Variants in CFH observed in about 807,000 individuals in gnomAD.
CFH encodes H factor 1 (complement).
CFH carries 53 observed loss-of-function variants against 147.3 expected under a neutral mutation model. The observed-to-expected ratio is 0.36, with a 90% confidence interval of 0.29 to 0.45. The LOEUF is 0.45. Ranked by LOEUF, CFH falls within the 20% of genes least tolerant of loss-of-function variation. The pLI is 1.00. For synonymous variants in CFH, 536 were observed against 489.4 expected (o/e 1.10, Z -1.26); for missense variants, 1,380 against 1,498.0 (o/e 0.92, Z 1.30).
chr1:196,702,753 C>T (rs1668491662), intron 9 of CFH, among the ~76,000 whole-genome samples: 1 of 152,116 alleles, frequency 6.6e-6, no homozygotes, highest in South Asian at 2.1e-4. Context: ...CACCTCTGAC[C>T]TGGGATGGAA....
At chr1:196,655,674 A>G (rs1666661448) in intron 1 of CFH, among the ~76,000 whole-genome samples, 1 of 152,032 alleles carries the variant, frequency 6.6e-6, no homozygotes, top group South Asian at 2.1e-4. Context: ...TCCTCCCCAC[A>G]CACACCATCC....
intron 8 of CFH, 108 bp from the exon 9 acceptor site, chr1:196,689,955 G>A: frequency 8.0e-7 from 1 of 1,250,946 alleles, no homozygotes; most frequent in Non-Finnish European, 1.1e-6. Flanking sequence ...ATTTTTGGAT[G>A]TTTATGCAAT....
At chr1:196,657,008 G>T (rs561361190) in intron 1 of CFH, among the ~76,000 whole-genome samples, 1 of 151,892 alleles carries the variant, frequency 6.6e-6, no homozygotes, top group African/African-American at 2.4e-5. Flanking sequence ...ACAGGATCTC[G>T]CTTTGTTGCC....
intron 20 of CFH, among the ~76,000 whole-genome samples, chr1:196,744,175 A>AT (rs34347090): frequency 0.037 from 5,521 of 149,778 alleles, 213 homozygotes; most frequent in East Asian, 0.16. Flanking sequence ...GTTTTTCTGT[A>AT]TTTTTTTTTT....
intron 9 of CFH, among the ~76,000 whole-genome samples, chr1:196,707,140 C>A (rs1668608732): frequency 6.6e-6 from 1 of 151,974 alleles, no homozygotes; most frequent in South Asian, 2.1e-4. Context: ...TGAAAAAACT[C>A]AAAAGATAAA....
At chr1:196,682,071 C>T (rs917709570) in intron 6 of CFH, among the ~76,000 whole-genome samples, 2 of 151,682 alleles carry the variant, frequency 1.3e-5, no homozygotes, top group Admixed American at 1.3e-4. Context: ...ACACACATGT[C>T]AGAGGACTGA....
intron 9 of CFH, among the ~76,000 whole-genome samples, chr1:196,701,120 C>A (rs1389049470): frequency 1.3e-5 from 2 of 152,082 alleles, no homozygotes; most frequent in Admixed American, 6.6e-5. Flanking sequence ...ATGGAAAGGT[C>A]TTTTGTTTGT....
chr1:196,698,470 G>C (rs973794953), intron 9 of CFH, among the ~76,000 whole-genome samples: 2 of 151,972 alleles, frequency 1.3e-5, no homozygotes, highest in Admixed American at 1.3e-4. Context: ...TAGAAAATCT[G>C]GAAGAAATGG....
At position 196,652,136 on chromosome 1, in the gene CFH, A is replaced by T; in HGVS notation, c.19A>T (p.Ile7Phe). 1 of 1,612,232 alleles carries T rather than the reference A, an allele frequency of 6.2e-7. No individual in the cohort carries two copies. Residue 7 changes from isoleucine to phenylalanine, a missense_variant, in exon 1 of 22, where the codon ATT becomes TTT. By Grantham distance (21) the Ile-to-Phe change is conservative. Coordinates refer to ENST00000367429, the MANE Select transcript of CFH (RefSeq NM_000186.4). MRLLAKIICLMLWAICV... is the reference protein window; with the variant it reads MRLLAKFICLMLWAICV... ...CCAAAAAATGAGACTTCTAGCAAAG[A>T]TTATTTGCCTTATGTTATGGGCTAT...
At position 196,673,046 on chromosome 1, in the gene CFH, C is replaced by G. The variant is rs764941928; in HGVS notation, c.127C>G (p.Pro43Ala). The G allele has an allele frequency of 6.2e-7, 1 of 1,614,020 alleles. No homozygotes were observed. The highest frequency in any genetic ancestry group is 1.7e-5 in the Admixed American group (1 of 60,014). Residue 43 changes from proline (P) to alanine (A), a missense_variant, in exon 2 of 22, where the codon CCA becomes GCA. Pro to Ala is a conservative substitution (Grantham distance 27). Around this residue, in one of 4 missense-constraint regions of CFH, gnomAD observed 260 missense variants for 263.3 expected, o/e 0.99. Coordinates refer to ENST00000367429, the MANE Select transcript of CFH (RefSeq NM_000186.4). Reference sequence around the variant, plus strand: ...AGGTTCCTGGTCTGACCAAACATATCCAGAAGGCACCCAGGCTATCTATAA... The same window carrying G: ...AGGTTCCTGGTCTGACCAAACATATGCAGAAGGCACCCAGGCTATCTATAA... ...LTGSWSDQTY[P>A]EGTQAIYKCR...
chr1:196,728,898 C>CATGT (rs1458832115), intron 15 of CFH, among the ~76,000 whole-genome samples: 2 of 151,824 alleles, frequency 1.3e-5, no homozygotes, highest in African/African-American at 4.8e-5. Flanking sequence ...TGTCTGTATG[C>CATGT]ATGTATGTAT....
intron 5 of CFH, chr1:196,678,102 G>T: frequency 5.5e-6 from 1 of 182,902 alleles, no homozygotes; most frequent in Non-Finnish European, 1.2e-5. Context: ...TATTTTGAAA[G>T]CCAAAGATTC....
At chr1:196,745,407 G>A (rs1422600758) in intron 20 of CFH, among the ~76,000 whole-genome samples, 1 of 152,066 alleles carries the variant, frequency 6.6e-6, no homozygotes, top group East Asian at 1.9e-4. Context: ...TTATTTGTCT[G>A]TCAGCTCCCC....
At chr1:196,673,772 A>G (rs1667363792) in intron 2 of CFH, 85 bp from the exon 3 acceptor site, 7 of 849,250 alleles carry the variant, frequency 8.2e-6, no homozygotes, top group South Asian at 1.3e-5. Context: ...CTTATATAAT[A>G]TCAAATATAC....
intron 9 of CFH, among the ~76,000 whole-genome samples, chr1:196,695,190 G>C (rs952820007): frequency 6.6e-6 from 1 of 152,086 alleles, no homozygotes; most frequent in Non-Finnish European, 1.5e-5. Context: ...TATATTAGGT[G>C]TAAGGGAAGG....
intron 11 of CFH, among the ~76,000 whole-genome samples, chr1:196,716,120 A>T (rs541136170): frequency 6.8e-4 from 104 of 152,248 alleles, no homozygotes; most frequent in Non-Finnish European, 1.4e-3. Context: ...TTTCTACTTT[A>T]CATCTTCTAT....
chr1:196,740,850 G>A (rs1462257474), intron 18 of CFH, 58 bp downstream of exon 18: 1 of 1,532,568 alleles, frequency 6.5e-7, no homozygotes, highest in Admixed American at 1.7e-5. Context: ...CAAAGTGTAA[G>A]TGGTACCAAT....
At chr1:196,725,397 A>G (rs1269733628) in intron 12 of CFH, 100 bp downstream of exon 12, 1 of 1,129,312 alleles carries the variant, frequency 8.9e-7, no homozygotes, top group Non-Finnish European at 1.3e-6. Flanking sequence ...CTGTAATCTA[A>G]TGAATTAAGT....
In CFH at chr1:196,654,481, A is replaced by T. The variant is rs576585596; in HGVS notation, c.58+2306A>T. ...CAGGGGGTCACTGCAGGCTACTAAG[A>T]ATTGGGTCAGATTTACAGGACAAAG... On this transcript the variant is annotated intron_variant, in intron 1 of 21. Transcript: ENST00000367429. 6.6e-5 allele frequency among the ~76,000 whole-genome samples: 10 copies of T among 152,242 alleles called. No individual in the cohort carries two copies. The East Asian group carries it at 1.9e-3, about 29-fold the overall frequency.
Sources: allele counts gnomAD v4.1 joint callset (sites outside exome capture counted in the v4.1 genomes callset), GRCh38; gene constraint gnomAD v4.1.1; regional missense constraint gnomAD v4.1.1; transcripts MANE v1.5; gene names NCBI Gene and HGNC (gene_info 2026-07-23, HGNC 2026-07-21).